NEIL3: variants seen among roughly 807,000 people sequenced by gnomAD.
The protein encoded by NEIL3 is nei like DNA glycosylase 3.
A neutral mutation model predicts 57.5 loss-of-function variants in NEIL3; 48 were observed. The observed-to-expected ratio is 0.83, with a 90% CI of 0.66 to 1.06. The LOEUF (loss-of-function observed/expected upper bound fraction) is 1.06, where lower values mean the gene tolerates loss of function less well. Among genes scored for constraint, NEIL3 ranks in the 50% least tolerant of loss-of-function variants. The probability of loss-of-function intolerance (pLI) is 0.00; values close to 1 mark genes in which losing one functional copy is unlikely to be tolerated. For missense variants in NEIL3, 717 were observed against 739.1 expected (o/e 0.97, Z 0.35); for synonymous variants, 261 against 253.2 (o/e 1.03, Z -0.29).
intron 1 of NEIL3, among the ~76,000 whole-genome samples, chr4:177,319,023 C>T (rs1202107951): frequency 6.6e-6 from 1 of 152,168 alleles, no homozygotes; most frequent in Non-Finnish European, 1.5e-5. Flanking sequence ...TTGTTGTAGA[C>T]AAAGCCAGGT....
chr4:177,316,153 T>C (rs933931019), intron 1 of NEIL3, among the ~76,000 whole-genome samples: 2 of 152,186 alleles, frequency 1.3e-5, no homozygotes, highest in African/African-American at 4.8e-5. Flanking sequence ...TAATAAAAGT[T>C]AATGTGGTAT....
rs554746031 is a variant in NEIL3, at chr4:177,352,211, C to T, written c.1039+662C>T. ...GAAAGTTCATTCCTGACTTACGCAC[C>T]CCTGCATTGTGTCAACTGTCATATT... is the stretch of plus-strand genomic sequence containing the variant. On this transcript the variant is annotated intron_variant, in intron 7 of 9. Coordinates refer to ENST00000264596, the MANE Select transcript of NEIL3 (RefSeq NM_018248.3). Among the ~76,000 whole-genome samples, 3 of 152,262 alleles carry T rather than the reference C, an allele frequency of 2.0e-5. No homozygotes were observed. In the East Asian group the frequency reaches 5.8e-4, roughly 29 times the overall value.
intron 1 of NEIL3, among the ~76,000 whole-genome samples, chr4:177,322,214 G>C (rs1734698384): frequency 6.6e-6 from 1 of 152,024 alleles, no homozygotes; most frequent in Non-Finnish European, 1.5e-5. Flanking sequence ...ACTTTATTTT[G>C]CTTGTCTACC....
chr4:177,317,486 C>A (rs1734596183), intron 1 of NEIL3, among the ~76,000 whole-genome samples: 1 of 151,398 alleles, frequency 6.6e-6, no homozygotes, highest in Non-Finnish European at 1.5e-5. Flanking sequence ...AACGTATTAC[C>A]TTTTTTCTTG....
intron 6 of NEIL3, among the ~76,000 whole-genome samples, chr4:177,344,736 A>AT (rs1429418350): frequency 1.3e-5 from 2 of 151,728 alleles, no homozygotes; most frequent in African/African-American, 4.8e-5. Context: ...TAATTTTTGT[A>AT]TTTTTAGTAG....
At chr4:177,310,255 T>TTA in intron 1 of NEIL3, 146 bp downstream of exon 1, 1 of 990,418 alleles carries the variant, frequency 1.0e-6, no homozygotes, top group South Asian at 2.1e-5. Context: ...TATCGTCACT[T>TTA]TACTGTAGGG....
At chr4:177,326,955 C>T (rs1174720681) in intron 2 of NEIL3, among the ~76,000 whole-genome samples, 2 of 151,998 alleles carry the variant, frequency 1.3e-5, no homozygotes, top group East Asian at 3.9e-4. Flanking sequence ...AATTGTAATT[C>T]CCATGTGTCG....
intron 1 of NEIL3, among the ~76,000 whole-genome samples, chr4:177,316,292 T>C (rs1734573274): frequency 6.6e-6 from 1 of 152,148 alleles, no homozygotes; most frequent in Admixed American, 6.5e-5. Flanking sequence ...AAATGCTAAG[T>C]AAACTTGTCA....
chr4:177,342,460 G>T, intron 6 of NEIL3, among the ~76,000 whole-genome samples: 1 of 152,036 alleles, frequency 6.6e-6, no homozygotes, highest in East Asian at 1.9e-4. Flanking sequence ...AGATTATGTA[G>T]TATAAAGCAG....
intron 8 of NEIL3, among the ~76,000 whole-genome samples, chr4:177,357,698 C>T (rs1735502683): frequency 6.6e-6 from 1 of 152,138 alleles, no homozygotes; most frequent in African/African-American, 2.4e-5. Context: ...AAATCCATCC[C>T]ACCACCTGTT....
At chr4:177,358,421 A>G (rs1207755056) in intron 8 of NEIL3, among the ~76,000 whole-genome samples, 1 of 151,764 alleles carries the variant, frequency 6.6e-6, no homozygotes, top group Non-Finnish European at 1.5e-5. Flanking sequence ...GATTCTTCTG[A>G]CTCAGCCTCC....
intron 1 of NEIL3, among the ~76,000 whole-genome samples, chr4:177,316,162 A>G (rs1734570344): frequency 1.3e-5 from 2 of 152,120 alleles, no homozygotes. Flanking sequence ...TTAATGTGGT[A>G]TCTCTCTCTC....
intron 2 of NEIL3, 104 bp downstream of exon 2, chr4:177,322,684 T>C: frequency 1.4e-6 from 2 of 1,385,764 alleles, no homozygotes; most frequent in East Asian, 2.3e-5. Flanking sequence ...TAGGAAGTAC[T>C]GTGTTTTTAA....
At chr4:177,333,625 A>C (rs1734921816) in intron 2 of NEIL3, among the ~76,000 whole-genome samples, 1 of 152,052 alleles carries the variant, frequency 6.6e-6, no homozygotes, top group Non-Finnish European at 1.5e-5. Flanking sequence ...TCATTTCTTC[A>C]CTCTGCTCCT....
In NEIL3 at chr4:177,335,721, T is replaced by C. The variant is rs571871686; in HGVS notation, c.312T>C (p.Ile104=). The C allele has an allele frequency of 6.2e-7, 1 of 1,606,980 alleles. No individual in the cohort carries two copies. The highest frequency in any genetic ancestry group is 1.1e-5 in the South Asian group (1 of 89,256). The part of the protein sequence containing the change: ...IHFGMKGFIM[I]NPLEYKYKNG... The stretch of plus-strand genomic sequence containing the variant: ...TCGGAATGAAAGGCTTCATCATGAT[T>C]AATCCACTTGAGTATAAATATAAAA... The change falls in exon 3 of 10, where the codon ATT becomes ATC. Residue 104 remains isoleucine (I), a synonymous_variant. Coordinates refer to ENST00000264596, the MANE Select transcript of NEIL3 (RefSeq NM_018248.3).
Position 177,360,571 on chromosome 4 carries a change from A to G in NEIL3, c.1529A>G (p.His510Arg), listed in dbSNP as rs766101641. The change falls in exon 9 of 10, where the codon CAC (histidine) becomes CGC (arginine). Residue 510 changes from histidine (H) to arginine (R), a missense_variant. Coordinates refer to ENST00000264596, the MANE Select transcript of NEIL3 (RefSeq NM_018248.3). The stretch of plus-strand genomic sequence containing the variant: ...CCTGACAGCCCTCGCTGCAGTAAAC[A>G]CAACCGCCTCTGCATTCTCCGAGTT... ...LNPDSPRCSK[H>R]NRLCILRVVG... 1 of 1,614,090 alleles carries G rather than the reference A, an allele frequency of 6.2e-7. No individual in the cohort carries two copies. The highest frequency in any genetic ancestry group is 2.2e-5 in the East Asian group (1 of 44,872).
chr4:177,353,729 G>T lies in NEIL3; in HGVS notation c.1460+1G>T. ...GCTGCAACCCTGGATATTCTAACAG[G>T]TATGATGCTTTTAACCTTGGTCTTT... On this transcript the variant is annotated splice_donor_variant, in intron 8 of 9. Coordinates refer to ENST00000264596, the MANE Select transcript of NEIL3 (RefSeq NM_018248.3). LOFTEE classifies it high-confidence loss of function. The T allele has an allele frequency of 1.3e-6, 2 of 1,596,716 alleles. No homozygotes were observed. The highest frequency in any genetic ancestry group is 3.3e-4 in the Middle Eastern group (2 of 5,988).
At chr4:177,343,631 A>G (rs943376641) in intron 6 of NEIL3, 1 of 151,340 alleles carries the variant, frequency 6.6e-6, no homozygotes. Flanking sequence ...TTTCTGCATC[A>G]CTCTTCTTGT....
Position 177,316,879 on chromosome 4 carries a change from A to T in NEIL3, c.157-5580A>T, listed in dbSNP as rs372081553. On this transcript the variant is annotated intron_variant, in intron 1 of 9. Transcript: ENST00000264596. ...AGGTAGAAAGCCTCAAGATTATCCTACTGTCCAGGTGGGGAAACCCTAGGC... is the reference window on the plus strand; with the variant it reads ...AGGTAGAAAGCCTCAAGATTATCCTTCTGTCCAGGTGGGGAAACCCTAGGC... Among the ~76,000 whole-genome samples, 30 of 152,344 alleles carry T rather than the reference A, an allele frequency of 2.0e-4. No individual in the cohort carries two copies. The East Asian group carries it at 5.4e-3, about 27-fold the overall frequency.
Sources: allele counts gnomAD v4.1 joint callset (sites outside exome capture counted in the v4.1 genomes callset), GRCh38; gene constraint gnomAD v4.1.1; transcripts MANE v1.5; gene names NCBI Gene and HGNC (gene_info 2026-07-23, HGNC 2026-07-21).